The following CLIC5 variants were observed in gnomAD, a reference collection of about 807,000 sequenced individuals.
CLIC5 encodes the protein CLIC family member 5.
In CLIC5, 20 loss-of-function variants were observed where a neutral mutation model predicts 24.7. The ratio of observed to expected loss-of-function variants is 0.81; its 90% CI spans 0.57 to 1.18. CLIC5 has a LOEUF of 1.18. CLIC5 is among the 50% of genes most tolerant of loss of function. The pLI, the probability that CLIC5 is intolerant of heterozygous loss-of-function variation, is 0.00. For missense variants in CLIC5, 341 were observed against 326.1 expected, an observed-to-expected ratio of 1.05 and a Z score of -0.35; for synonymous variants, 159 against 135.6, an observed-to-expected ratio of 1.17 and a Z score of -1.20.
intron 4 of CLIC5, among the ~76,000 whole-genome samples, chr6:45,937,113 G>A (rs1561947300): frequency 1.3e-5 from 2 of 152,170 alleles, no homozygotes; most frequent in Non-Finnish European, 2.9e-5. Context: ...GGCCACTGAC[G>A]CTCCTTGATG....
At chr6:46,061,359 T>A (rs1762275186) in intron 1 of CLIC5, among the ~76,000 whole-genome samples, 2 of 152,030 alleles carry the variant, frequency 1.3e-5, no homozygotes, top group South Asian at 4.1e-4. Flanking sequence ...CTGGCTGATG[T>A]TTTTGTGTGT....
intron 1 of CLIC5, among the ~76,000 whole-genome samples, chr6:45,976,722 T>G (rs1328956081): frequency 6.6e-6 from 1 of 152,218 alleles, no homozygotes; most frequent in East Asian, 1.9e-4. Context: ...TCAAACGTAG[T>G]GATTCTCAGT....
At chr6:45,974,497 G>GTGTT (rs1192750031) in intron 1 of CLIC5, among the ~76,000 whole-genome samples, 1 of 76,178 alleles carries the variant, frequency 1.3e-5, no homozygotes, top group Non-Finnish European at 2.5e-5. Context: ...GTGTGTGTGT[G>GTGTT]TATATATATA....
chr6:46,042,813 A>G lies in CLIC5; in HGVS notation c.540+36890T>C, dbSNP rs114124588. Among the ~76,000 whole-genome samples the G allele has an allele frequency of 6.3e-3, 957 of 152,248 alleles. 9 individuals carry two copies. The highest frequency in any genetic ancestry group is 0.021 in the African/African-American group (878 of 41,534). On this transcript the variant is annotated intron_variant, in intron 1 of 5. Coordinates refer to the CLIC5 transcript ENST00000185206. ...CTCAGAGAGATGGGGCACTTAGTCA[A>G]GGTCACCCTGCTAACCATTGGCAAT...
chr6:45,967,596 T>C (rs761279827), intron 1 of CLIC5, among the ~76,000 whole-genome samples: 1 of 152,126 alleles, frequency 6.6e-6, no homozygotes, highest in Non-Finnish European at 1.5e-5. Flanking sequence ...ATTAGGCTGT[T>C]TTTGTGTTCT....
rs372375671 is a variant in CLIC5, at chr6:45,903,092, G to A, written c.752C>T (p.Ser251Phe). The A allele has an allele frequency of 5.0e-6, 8 of 1,614,148 alleles. No individual in the cohort carries two copies. The highest frequency in any genetic ancestry group is 6.8e-6 in the Non-Finnish European group (8 of 1,180,006). The change falls in exon 6 of 6, where the codon TCC (serine) becomes TTC (phenylalanine). Residue 251 changes from serine to phenylalanine, a missense_variant. Coordinates refer to ENST00000339561, the MANE Select transcript of CLIC5 (RefSeq NM_016929.5). The stretch of plus-strand genomic sequence containing the variant: ...GATGGGGCAAAATGGCTGTGCTCAG[G>A]ATCGGCTGAGGCGTTTGGCGACATC... ...YADVAKRLSR[S>F] is the part of the protein sequence containing the mutation.
In CLIC5 at chr6:46,029,016, G is replaced by A. The variant is rs140057614; in HGVS notation, c.540+50687C>T. Among the ~76,000 whole-genome samples the A allele has an allele frequency of 3.6e-4, 55 of 151,710 alleles. 1 individual carries two copies. The East Asian group carries it at 9.7e-3, about 27-fold the overall frequency. ...CCCTGGAAACCACTGATCTTTTACT[G>A]TCTCCATAGTTTCGCTTTCCCAGAA... On this transcript the variant is annotated intron_variant, in intron 1 of 5. Transcript: ENST00000185206.
At chr6:46,116,988 C>T in the CLIC5 span, among the ~76,000 whole-genome samples, 1 of 152,234 alleles carries the variant, frequency 6.6e-6, no homozygotes, top group Non-Finnish European at 1.5e-5. Context: ...AAGTAAGACT[C>T]TAATGTAAAA....
intron 5 of CLIC5, among the ~76,000 whole-genome samples, chr6:45,907,377 A>G (rs563041163): frequency 1.3e-5 from 2 of 152,326 alleles, no homozygotes; most frequent in South Asian, 4.1e-4. Context: ...GAAGAAGCCT[A>G]TTTGATCAAT....
At chr6:46,058,931 A>T (rs1768339256) in intron 1 of CLIC5, among the ~76,000 whole-genome samples, 1 of 152,226 alleles carries the variant, frequency 6.6e-6, no homozygotes, top group Non-Finnish European at 1.5e-5. Context: ...TGCAGGTTGC[A>T]TCTGTGTTGG....
At chr6:46,010,072 G>T (rs932968176) in intron 1 of CLIC5, among the ~76,000 whole-genome samples, 6 of 152,126 alleles carry the variant, frequency 3.9e-5, no homozygotes, top group African/African-American at 1.4e-4. Flanking sequence ...GTTCTCAGGG[G>T]TCAGCTCCAA....
At chr6:45,962,470 T>G (rs1227042788) in intron 1 of CLIC5, among the ~76,000 whole-genome samples, 6 of 133,936 alleles carry the variant, frequency 4.5e-5, no homozygotes, top group Admixed American at 1.6e-4. Context: ...CCAATTTAAA[T>G]GTTAATGTCA....
chr6:46,125,878 G>C, the CLIC5 span, among the ~76,000 whole-genome samples: 1 of 152,126 alleles, frequency 6.6e-6, no homozygotes, highest in Non-Finnish European at 1.5e-5. Context: ...TGCTGAAACA[G>C]GGACTCTTTC....
At chr6:46,119,813 C>G in the CLIC5 span, among the ~76,000 whole-genome samples, 1 of 152,202 alleles carries the variant, frequency 6.6e-6, no homozygotes, top group Non-Finnish European at 1.5e-5. Flanking sequence ...GAGGGTCCCA[C>G]GCCCACAGAG....
chr6:46,023,296 C>G (rs1394657949), intron 1 of CLIC5, among the ~76,000 whole-genome samples: 1 of 152,124 alleles, frequency 6.6e-6, no homozygotes, highest in African/African-American at 2.4e-5. Context: ...CACTTCATTT[C>G]TATAATAACC....
rs745644882 is a variant in CLIC5 at position 46,079,809 on chromosome 6, T to G, written c.434A>C (p.His145Pro). ...CTTGGTGGTAGAGAAGGCCTTACTG[T>G]GCTGAATGGTGAAGCTTGAAGGAGA... Residue 145 changes from histidine (H) to proline (P), a missense_variant, in exon 1 of 6, where the codon CAC (histidine) becomes CCC (proline). His to Pro is a moderately conservative substitution (Grantham distance 77, BLOSUM62 -2). Coordinates refer to the CLIC5 transcript ENST00000185206. The G allele has an allele frequency of 3.9e-6, 6 of 1,552,220 alleles. No homozygotes were observed. The South Asian group carries it at 7.1e-5, about 18-fold the overall frequency.
At chr6:46,014,070 A>G (rs970683262) in intron 1 of CLIC5, among the ~76,000 whole-genome samples, 1 of 152,214 alleles carries the variant, frequency 6.6e-6, no homozygotes, top group Non-Finnish European at 1.5e-5. Context: ...AAACCAAAGG[A>G]GCACACAGGG....
chr6:45,950,806 T>G (rs1764445913), intron 2 of CLIC5, among the ~76,000 whole-genome samples: 1 of 152,170 alleles, frequency 6.6e-6, no homozygotes, highest in African/African-American at 2.4e-5. Flanking sequence ...AAGCATCTAC[T>G]GTTCTCAAAA....
chr6:46,013,875 G>A (rs990332706), intron 1 of CLIC5, among the ~76,000 whole-genome samples: 2 of 152,322 alleles, frequency 1.3e-5, no homozygotes, highest in East Asian at 1.9e-4. Context: ...AAGACTCATC[G>A]CTTTGTTAAA....
Sources: gnomAD v4.1 joint callset for allele counts (sites outside exome capture counted in the v4.1 genomes callset) on GRCh38, gnomAD v4.1.1 for gene constraint, MANE v1.5 for transcripts, NCBI Gene and HGNC (gene_info 2026-07-23, HGNC 2026-07-21) for gene names.